Variants in PLCB4 observed in about 807,000 individuals in gnomAD.
The protein encoded by PLCB4 is 1-phosphatidylinositol 4,5-bisphosphate phosphodiesterase beta-4.
Under a neutral mutation model 178.8 loss-of-function variants are expected in PLCB4, and 77 were observed. The observed-to-expected ratio is 0.43, with a 90% CI of 0.36 to 0.52. PLCB4 has a LOEUF of 0.52. PLCB4 is among the 20% of genes least tolerant of loss of function. The pLI is 0.00. For missense variants in PLCB4, 1,024 were observed against 1,453.4 expected (o/e 0.70, Z 4.80); for synonymous variants, 496 against 490.8 (o/e 1.01, Z -0.14).
At chr20:9,195,010 C>A (rs2093453415) in intron 2 of PLCB4, among the ~76,000 whole-genome samples, 1 of 152,122 alleles carries the variant, frequency 6.6e-6, no homozygotes, top group South Asian at 2.1e-4. Context: ...ATTTTAAGAC[C>A]AAATTAGGAA....
At position 9,435,479 on chromosome 20, in the gene PLCB4, G is replaced by A. The variant is rs569098030; in HGVS notation, c.2525-81G>A. The A allele has an allele frequency of 3.6e-6, 3 of 827,744 alleles. No individual in the cohort carries two copies. In the Admixed American group the frequency reaches 5.9e-5, roughly 16 times the overall value. The allele number at this position is 827,744 out of a possible 1,614,324, so 51.3% of individuals were successfully genotyped here. On this transcript the variant is annotated intron_variant, in intron 28 of 39. Transcript: ENST00000378473. ...GAAAGCACAACAGGTATCCAGGATT[G>A]TAGTTTATTAAGCAGAGTTTTAATG...
chr20:9,432,217 C>T (rs1191528406), intron 28 of PLCB4, among the ~76,000 whole-genome samples: 3 of 152,052 alleles, frequency 2.0e-5, no homozygotes, highest in Non-Finnish European at 2.9e-5. Flanking sequence ...CAAAAATATA[C>T]AAAAATGCTT....
chr20:9,163,380 A>G (rs1377195894), intron 2 of PLCB4, among the ~76,000 whole-genome samples: 5 of 152,120 alleles, frequency 3.3e-5, no homozygotes, highest in Admixed American at 3.3e-4. Context: ...GAGTCAAAAT[A>G]TGTGTCTCTT....
intron 2 of PLCB4, among the ~76,000 whole-genome samples, chr20:9,214,338 G>A (rs2147257705): frequency 6.6e-6 from 1 of 152,254 alleles, no homozygotes; most frequent in Middle Eastern, 3.4e-3. Context: ...TTGCGTGTGA[G>A]ATACCATATG....
chr20:9,074,241 C>T (rs1006911248), intron 1 of PLCB4, among the ~76,000 whole-genome samples: 3 of 152,152 alleles, frequency 2.0e-5, no homozygotes, highest in Non-Finnish European at 4.4e-5. Context: ...CTTGGTGCTG[C>T]ACTGTGAATG....
intron 1 of PLCB4, among the ~76,000 whole-genome samples, chr20:9,090,510 GTGTTT>G (rs1217104553): frequency 1.0e-5 from 1 of 96,324 alleles, no homozygotes; most frequent in African/African-American, 4.1e-5. Flanking sequence ...CATTTTTAGT[GTGTTT>G]TTTTTTTTTT....
At chr20:9,259,298 A>G (rs1318603398) in intron 3 of PLCB4, among the ~76,000 whole-genome samples, 2 of 152,224 alleles carry the variant, frequency 1.3e-5, no homozygotes, top group African/African-American at 2.4e-5. Flanking sequence ...GCAGAGAACA[A>G]TTATGTAATT....
intron 4 of PLCB4, among the ~76,000 whole-genome samples, chr20:9,310,120 C>T (rs572555432): frequency 6.6e-6 from 1 of 152,120 alleles, no homozygotes; most frequent in Non-Finnish European, 1.5e-5. Flanking sequence ...ATAATTATTT[C>T]CCACTCCTAT....
chr20:9,214,971 G>T (rs2147260688), intron 2 of PLCB4, among the ~76,000 whole-genome samples: 1 of 152,270 alleles, frequency 6.6e-6, no homozygotes, highest in South Asian at 2.1e-4. Context: ...CAGTCTCTAA[G>T]TCTTTGATTA....
chr20:9,207,718 C>G (rs2093629923), intron 2 of PLCB4, among the ~76,000 whole-genome samples: 1 of 152,210 alleles, frequency 6.6e-6, no homozygotes, highest in Non-Finnish European at 1.5e-5. Flanking sequence ...GGGATCCAAT[C>G]ATGTTTCTTA....
Position 9,411,628 on chromosome 20 carries a change from A to G in PLCB4, c.2051+540A>G, listed in dbSNP as rs112130263. Among the ~76,000 whole-genome samples, 196 of 152,246 alleles carry G rather than the reference A, an allele frequency of 1.3e-3. 2 individuals are homozygous for G. The highest frequency in any genetic ancestry group is 4.5e-3 in the African/African-American group (188 of 41,546). ...CTAGTTTCCTTAAATAGCACTCTTGAAAACTGTGAACCAAGAAGTGAAATA... is the reference window on the plus strand; with the variant it reads ...CTAGTTTCCTTAAATAGCACTCTTGGAAACTGTGAACCAAGAAGTGAAATA... On this transcript the variant is annotated intron_variant, in intron 25 of 39. Coordinates refer to ENST00000378473, the MANE Select transcript of PLCB4 (RefSeq NM_001377142.1).
At chr20:9,457,612 G>C (rs1293030510) in intron 34 of PLCB4, 123 bp downstream of exon 34, 1 of 650,298 alleles carries the variant, frequency 1.5e-6, no homozygotes, top group Non-Finnish European at 2.8e-6. Context: ...GCCTGCAGCT[G>C]ATCTGGGATG....
At chr20:9,413,094 C>T (rs748406337) in intron 25 of PLCB4, among the ~76,000 whole-genome samples, 1 of 152,324 alleles carries the variant, frequency 6.6e-6, no homozygotes, top group East Asian at 1.9e-4. Context: ...TCTGTTCAGT[C>T]GTCCTTTAAG....
intron 2 of PLCB4, among the ~76,000 whole-genome samples, chr20:9,106,968 A>G (rs549279733): frequency 6.6e-6 from 1 of 152,286 alleles, no homozygotes; most frequent in African/African-American, 2.4e-5. Flanking sequence ...GTCATTAAAT[A>G]ATTAAGCAAA....
At chr20:9,320,810 A>ACATTTGTGAGCT (rs2147957491) in intron 4 of PLCB4, among the ~76,000 whole-genome samples, 1 of 152,290 alleles carries the variant, frequency 6.6e-6, no homozygotes, top group African/African-American at 2.4e-5. Flanking sequence ...AGCATCAGCA[A>ACATTTGTGAGCT]CATTTGTGAG....
chr20:9,335,955 A>G (rs375793532), intron 4 of PLCB4, among the ~76,000 whole-genome samples: 4 of 152,202 alleles, frequency 2.6e-5, no homozygotes, highest in African/African-American at 9.7e-5. Flanking sequence ...ATGGCCTAGT[A>G]TCTTGGCATT....
chr20:9,112,808 G>C (rs1471674459), intron 2 of PLCB4, among the ~76,000 whole-genome samples: 1 of 152,048 alleles, frequency 6.6e-6, no homozygotes, highest in Non-Finnish European at 1.5e-5. Flanking sequence ...TTTATAGAGA[G>C]TATGCAGATT....
chr20:9,124,645 C>T (rs1362679936), intron 2 of PLCB4, among the ~76,000 whole-genome samples: 1 of 152,090 alleles, frequency 6.6e-6, no homozygotes, highest in Non-Finnish European at 1.5e-5. Flanking sequence ...AAACAAGCAA[C>T]AAGCAATGAT....
At chr20:9,394,922 G>GT (rs1319797446) in intron 18 of PLCB4, among the ~76,000 whole-genome samples, 1 of 151,840 alleles carries the variant, frequency 6.6e-6, no homozygotes, top group African/African-American at 2.4e-5. Context: ...TACCTTAGGG[G>GT]TTTTTTTATT....
Sources: allele counts gnomAD v4.1 joint callset (sites outside exome capture counted in the v4.1 genomes callset), GRCh38; gene constraint gnomAD v4.1.1; transcripts MANE v1.5; gene names NCBI Gene and HGNC (gene_info 2026-07-23, HGNC 2026-07-21).